Variants in DACH2 observed in about 807,000 individuals in gnomAD.
DACH2 encodes the protein dachshund family transcription factor 2.
DACH2 carries 17 observed loss-of-function variants against 35.8 expected under a neutral mutation model. The observed-to-expected ratio is 0.48, with a 90% CI of 0.33 to 0.71. DACH2 has a LOEUF of 0.71. DACH2 is among the 30% of genes least tolerant of loss of function. The pLI is 0.02. For synonymous variants in DACH2, 195 were observed against 177.3 expected (o/e 1.10, Z -0.79); for missense variants, 469 against 472.7 (o/e 0.99, Z 0.07).
chrX:86,756,213 C>T (rs977739172), intron 7 of DACH2, among the ~76,000 whole-genome samples: 2 of 111,380 alleles, frequency 1.8e-5, no homozygotes, highest in African/African-American at 3.3e-5. Context: ...AATCCTTTGG[C>T]TATTTGGGCT....
chrX:86,242,263 C>T (rs1396995096), intron 1 of DACH2, among the ~76,000 whole-genome samples: 2 of 112,420 alleles, frequency 1.8e-5, no homozygotes, highest in South Asian at 3.7e-4. Context: ...GGTGGGGCTT[C>T]CCAAGGCCTT....
chrX:86,394,934 C>T (rs377733989), intron 2 of DACH2, among the ~76,000 whole-genome samples: 15 of 111,544 alleles, frequency 1.3e-4, no homozygotes, highest in East Asian at 2.8e-4. Context: ...GTGCTCTGTG[C>T]GTAGGAAAGT....
chrX:86,348,464 G>A (rs760795676), intron 1 of DACH2, among the ~76,000 whole-genome samples: 63 of 111,027 alleles, frequency 5.7e-4, no homozygotes, highest in African/African-American at 2.0e-3. Context: ...AGTCATATGG[G>A]GTGAAAAAGT....
chrX:86,344,327 TATATATATATATATATAC>T (rs2035462665), intron 1 of DACH2, among the ~76,000 whole-genome samples: 1 of 95,333 alleles, frequency 1.0e-5, no homozygotes, highest in African/African-American at 4.1e-5. Context: ...GAAGTGCATA[TATATATATATATATATAC>T]ACACACACAC....
At chrX:86,778,132 T>G (rs966216933) in intron 7 of DACH2, among the ~76,000 whole-genome samples, 1 of 111,510 alleles carries the variant, frequency 9.0e-6, no homozygotes, top group East Asian at 2.8e-4. Context: ...TATACTGATT[T>G]CATTTCCTTT....
intron 3 of DACH2, among the ~76,000 whole-genome samples, chrX:86,552,583 G>T (rs938928306): frequency 1.8e-5 from 2 of 111,977 alleles, no homozygotes; most frequent in Non-Finnish European, 3.8e-5. Context: ...TTAAAAATTT[G>T]TAAGTAACAA....
At chrX:86,582,169 A>T (rs1278785463) in intron 3 of DACH2, among the ~76,000 whole-genome samples, 1 of 111,696 alleles carries the variant, frequency 9.0e-6, no homozygotes, top group Non-Finnish European at 1.9e-5. Flanking sequence ...TGAGAAAAAA[A>T]TAAAACAAAC....
chrX:86,292,213 A>T (rs1225928208), intron 1 of DACH2, among the ~76,000 whole-genome samples: 2 of 91,025 alleles, frequency 2.2e-5, no homozygotes, highest in Non-Finnish European at 4.2e-5. Context: ...TTATTTGCGT[A>T]GAGGTGTTTG....
chrX:86,677,681 G>A (rs958155091), intron 4 of DACH2, among the ~76,000 whole-genome samples: 3 of 111,956 alleles, frequency 2.7e-5, no homozygotes, highest in Non-Finnish European at 5.6e-5. Context: ...TATCAGAAGT[G>A]AAAAGTGAAT....
intron 3 of DACH2, among the ~76,000 whole-genome samples, chrX:86,593,776 T>C (rs1213758834): frequency 1.8e-5 from 2 of 111,332 alleles, no homozygotes; most frequent in Admixed American, 1.9e-4. Context: ...CATTTTCATC[T>C]ATGTTTTTCA....
chrX:86,798,201 A>C (rs759310707), intron 7 of DACH2, among the ~76,000 whole-genome samples: 24 of 112,174 alleles, frequency 2.1e-4, no homozygotes, highest in African/African-American at 7.5e-4. Context: ...TCAAACTCCA[A>C]ATGAATCATT....
chrX:86,730,857 T>C (rs928119164), intron 6 of DACH2, among the ~76,000 whole-genome samples: 12 of 111,707 alleles, frequency 1.1e-4, no homozygotes, highest in Middle Eastern at 4.7e-3. Context: ...AAAATTTTAA[T>C]ACTGAGTGAT....
At chrX:86,265,442 C>T (rs1389528598) in intron 1 of DACH2, among the ~76,000 whole-genome samples, 2 of 111,466 alleles carry the variant, frequency 1.8e-5, no homozygotes, top group Non-Finnish European at 3.8e-5. Context: ...AAACAGAAAA[C>T]ATTATTTATT....
intron 3 of DACH2, among the ~76,000 whole-genome samples, chrX:86,620,399 A>T (rs762636764): frequency 7.2e-5 from 8 of 111,465 alleles, no homozygotes; most frequent in Non-Finnish European, 1.9e-5. Context: ...AACATGGGGA[A>T]TATTTTTTCC....
rs186736671 is a variant in DACH2 at position 86,195,759 on chromosome X, G to A, written c.488+46651G>A. 4.2e-3 allele frequency among the ~76,000 whole-genome samples: 463 copies of A among 111,460 alleles called. 1 individual carries two copies. The highest frequency in any genetic ancestry group is 0.019 in the Middle Eastern group (4 of 216). ...CAGTGCAGTGGATTCCTAACCTCAA[G>A]GAGCCAAAGTCAGGGCCCAATACAA... On this transcript the variant is annotated intron_variant, in intron 1 of 11. Transcript: ENST00000373125.
At chrX:86,398,039 G>T (rs1054901231) in intron 2 of DACH2, among the ~76,000 whole-genome samples, 1 of 111,811 alleles carries the variant, frequency 8.9e-6, no homozygotes, top group Non-Finnish European at 1.9e-5. Flanking sequence ...TGGTTGGTAA[G>T]CTATTAATTA....
chrX:86,417,765 A>G (rs999636910), intron 2 of DACH2, among the ~76,000 whole-genome samples: 4 of 111,046 alleles, frequency 3.6e-5, no homozygotes, highest in Non-Finnish European at 7.5e-5. Context: ...AATACCAATC[A>G]TGTCTTCCCA....
intron 2 of DACH2, among the ~76,000 whole-genome samples, chrX:86,484,633 C>T (rs1180047191): frequency 8.9e-6 from 1 of 111,885 alleles, no homozygotes; most frequent in East Asian, 2.8e-4. Context: ...CATAATTTTA[C>T]ACACATTATT....
At chrX:86,818,983 T>TAAG (rs1313460060) in intron 11 of DACH2, among the ~76,000 whole-genome samples, 1 of 107,558 alleles carries the variant, frequency 9.3e-6, no homozygotes, top group Non-Finnish European at 1.9e-5. Flanking sequence ...CTTATATATA[T>TAAG]AAGATTTTAT....
Sources: gnomAD v4.1 joint callset for allele counts (sites outside exome capture counted in the v4.1 genomes callset) on GRCh38, gnomAD v4.1.1 for gene constraint, MANE v1.5 for transcripts, NCBI Gene and HGNC (gene_info 2026-07-23, HGNC 2026-07-21) for gene names.